Variants in SCYL1 observed in about 807,000 individuals in gnomAD.
SCYL1 encodes the protein N-terminal kinase-like protein.
In SCYL1, 85 loss-of-function variants were observed where a neutral mutation model predicts 94.8. The observed-to-expected ratio is 0.90, with a 90% CI of 0.75 to 1.07. The LOEUF (loss-of-function observed/expected upper bound fraction) is 1.07, where lower values mean the gene tolerates loss of function less well. SCYL1 is among the 50% of genes least tolerant of loss of function. SCYL1 has a pLI of 0.00. For missense variants in SCYL1, 968 were observed against 1,083.3 expected (o/e 0.89, Z 1.49); for synonymous variants, 459 against 435.5 (o/e 1.05, Z -0.67).
intron 6 of SCYL1, among the ~76,000 whole-genome samples, chr11:65,527,889 T>C (rs1295828277): frequency 6.6e-6 from 1 of 152,178 alleles, no homozygotes; most frequent in Non-Finnish European, 1.5e-5. Context: ...GGAGTCAGAA[T>C]TGAAAATGTG....
chr11:65,536,305 C>T lies in SCYL1; in HGVS notation c.1622C>T (p.Ser541Leu), dbSNP rs377549319. 7.3e-5 allele frequency: 118 copies of T among 1,614,024 alleles called. No individual in the cohort carries two copies. The highest frequency in any genetic ancestry group is 2.1e-4 in the African/African-American group (16 of 74,934). Residue 541 changes from serine (S) to leucine (L), a missense_variant, in exon 12 of 18, where the codon TCG becomes TTG. Coordinates refer to ENST00000270176, the MANE Select transcript of SCYL1 (RefSeq NM_020680.4). ...TTCCTGTCCAAATTGGAGTCTGTGT[C>T]GGAGGACCCGACCCAGCTGGAGGAA... ...RSFLSKLESV[S>L]EDPTQLEEVE...
At chr11:65,529,956 TA>T (rs1240783477) in intron 6 of SCYL1, among the ~76,000 whole-genome samples, 1 of 152,164 alleles carries the variant, frequency 6.6e-6, no homozygotes, top group Non-Finnish European at 1.5e-5. Context: ...AGGACTGAGA[TA>T]ATCTGTGTAA....
Position 65,532,778 on chromosome 11 carries a change from C to T in SCYL1, c.1203C>T (p.Asn401=), listed in dbSNP as rs752729887. 8 of 1,613,942 alleles carry T rather than the reference C, an allele frequency of 5.0e-6. No individual in the cohort carries two copies. In the South Asian group the frequency reaches 6.6e-5, roughly 13 times the overall value. ...TCGTACATGGCTTCCTGGACACCAA[C>T]CCTGCCATCCGGGAGCAGACGGTCA... ...PHVVHGFLDT[N]PAIREQTVKS... The change falls in exon 9 of 18, where the codon AAC becomes AAT. Residue 401 remains asparagine, a synonymous_variant. Transcript: ENST00000270176.
rs1237230332 is a variant in SCYL1 at position 65,538,194 on chromosome 11, A to C, written c.2247+12A>C. The stretch of plus-strand genomic sequence containing the variant: ...GTCCCAGCACCCAGGTACCCAGCAC[A>C]GGTCTGGCGAGAGGGTAGAGATGGT... On this transcript the variant is annotated intron_variant, in intron 16 of 17. Coordinates refer to ENST00000270176, the MANE Select transcript of SCYL1 (RefSeq NM_020680.4). 6.4e-7 allele frequency: 1 copy of C among 1,569,316 alleles called. No individual in the cohort carries two copies. The highest frequency in any genetic ancestry group is 1.9e-5 in the Admixed American group (1 of 53,290).
Position 65,525,579 on chromosome 11 carries a change from A to C in SCYL1, c.117A>C (p.Thr39=). 1 of 1,612,156 alleles carries C rather than the reference A, an allele frequency of 6.2e-7. No individual in the cohort carries two copies. Among genetic ancestry groups the C allele is most frequent in the Non-Finnish European group, 8.5e-7 (1 of 1,179,894 alleles). ...GCCCCGCTGCCCTCCCCTAGGCCAC[A>C]GGCAGCCCCGTGTCCATCTTCGTCT... ...WALHRGRKKA[T]GSPVSIFVYD... Residue 39 remains threonine (T), a synonymous_variant, in exon 2 of 18, where the codon ACA becomes ACC. Transcript: ENST00000270176.
Position 65,535,957 on chromosome 11 carries a change from G to A in SCYL1, c.1391G>A (p.Arg464Lys), listed in dbSNP as rs1286450999. The A allele has an allele frequency of 8.8e-6, 14 of 1,588,222 alleles. No homozygotes were observed. Among genetic ancestry groups the A allele is most frequent in the Non-Finnish European group, 1.1e-5 (13 of 1,166,330 alleles). Residue 464 changes from arginine (R) to lysine (K), a missense_variant, in exon 11 of 18, where the codon AGA becomes AAA. Physicochemically the swap from Arg to Lys is conservative, Grantham distance 26 (BLOSUM62 2). This residue lies in a region of SCYL1 where 474 missense variants were observed against 463.6 expected (regional missense o/e 1.02). Transcript: ENST00000270176. ...KIGSYLSAST[R>K]HRVLTSAFSR... ...CTCTTTCCTGCCCCATCGTAGACCA[G>A]ACACAGGGTCCTTACCTCTGCCTTC...
chr11:65,532,970 C>T (rs1855462772), intron 9 of SCYL1, 165 bp downstream of exon 9: 7 of 600,696 alleles, frequency 1.2e-5, no homozygotes, highest in Non-Finnish European at 2.1e-5. Context: ...CGGGGGAGCA[C>T]GTCCTCCATT....
In SCYL1 at chr11:65,537,754, G is replaced by A. The variant is rs553260856; in HGVS notation, c.1960-55G>A. ...CGTGGCTGGGATGATGCTGGGGCGGGCTCACTTGCCCTTTAGCATGGGGTG... is the reference window on the plus strand; with the variant it reads ...CGTGGCTGGGATGATGCTGGGGCGGACTCACTTGCCCTTTAGCATGGGGTG... On this transcript the variant is annotated intron_variant, in intron 14 of 17. Transcript: ENST00000270176. The A allele has an allele frequency of 2.1e-4, 307 of 1,436,916 alleles. 1 individual carries two copies. The African/African-American group carries it at 4.1e-3, about 19-fold the overall frequency. 89.0% of individuals were successfully genotyped at this position (1,436,916 alleles called of 1,614,324 possible).
In SCYL1 at chr11:65,526,437, C is replaced by G; in HGVS notation, c.602+87C>G. 9.5e-7 allele frequency: 1 copy of G among 1,049,096 alleles called. No homozygotes were observed. The allele number at this position is 1,049,096 out of a possible 1,614,324, so 65.0% of individuals were successfully genotyped here. Reference sequence around the variant, plus strand: ...GACTCCTAGACTAGTTGGCACTCCCCTGTTCCCTGCTGCCTGGCTGGGGAG... The same window carrying G: ...GACTCCTAGACTAGTTGGCACTCCCGTGTTCCCTGCTGCCTGGCTGGGGAG... On this transcript the variant is annotated intron_variant, in intron 4 of 17. Coordinates refer to ENST00000270176, the MANE Select transcript of SCYL1 (RefSeq NM_020680.4). This position sits in a 1 kb window ranked among gnomAD's most constrained non-coding sequence, Gnocchi z 4.1.
rs765121062 is a variant in SCYL1, at chr11:65,532,777, A to C, written c.1202A>C (p.Asn401Thr). ...PHVVHGFLDT[N>T]PAIREQTVKS... ...GTCGTACATGGCTTCCTGGACACCAACCCTGCCATCCGGGAGCAGACGGTC... is the reference window on the plus strand; with the variant it reads ...GTCGTACATGGCTTCCTGGACACCACCCCTGCCATCCGGGAGCAGACGGTC... Residue 401 changes from asparagine (N) to threonine (T), a missense_variant, in exon 9 of 18, where the codon AAC becomes ACC. By Grantham distance (65) the Asn-to-Thr change is moderately conservative (BLOSUM62 0). Around this residue, in one of 2 missense-constraint regions of SCYL1, gnomAD observed 494 missense variants for 619.7 expected, o/e 0.80. Coordinates refer to ENST00000270176, the MANE Select transcript of SCYL1 (RefSeq NM_020680.4). 6.2e-7 allele frequency: 1 copy of C among 1,614,020 alleles called. No individual in the cohort carries two copies. Among genetic ancestry groups the C allele is most frequent in the South Asian group, 1.1e-5 (1 of 91,076 alleles).
intron 10 of SCYL1, 178 bp downstream of exon 10, chr11:65,535,560 A>G (rs1016083265): frequency 9.1e-6 from 7 of 766,376 alleles, no homozygotes; most frequent in South Asian, 5.5e-5. Context: ...TCACACAGTC[A>G]GGAGGGATCT....
intron 1 of SCYL1, 23 bp from the exon 2 acceptor site, chr11:65,525,551 C>T: frequency 6.2e-7 from 1 of 1,608,324 alleles, no homozygotes; most frequent in Non-Finnish European, 8.5e-7. Context: ...GGGACCATCT[C>T]AGGCCCCGCT....
rs780376974 is a variant in SCYL1, at chr11:65,532,822, C to A, written c.1230+17C>A. ...ACGGTCAAGGTGGGTGTGGCCAGGCCCAGAGTGGCTACCCCTGGTTTTCCA... is the reference window on the plus strand; with the variant it reads ...ACGGTCAAGGTGGGTGTGGCCAGGCACAGAGTGGCTACCCCTGGTTTTCCA... On this transcript the variant is annotated intron_variant, in intron 9 of 17. Transcript: ENST00000270176. The A allele has an allele frequency of 6.3e-7, 1 of 1,593,846 alleles. No individual in the cohort carries two copies. The highest frequency in any genetic ancestry group is 1.1e-5 in the South Asian group (1 of 90,618).
chr11:65,533,518 C>G (rs1235799662), intron 9 of SCYL1, among the ~76,000 whole-genome samples: 1 of 152,248 alleles, frequency 6.6e-6, no homozygotes, highest in East Asian at 1.9e-4. Context: ...GTGGCTTACG[C>G]CTGTGATCCC....
chr11:65,537,107 C>A lies in SCYL1; in HGVS notation c.1938C>A (p.Asp646Glu). The A allele has an allele frequency of 1.2e-6, 2 of 1,614,132 alleles. No individual in the cohort carries two copies. The highest frequency in any genetic ancestry group is 1.7e-6 in the Non-Finnish European group (2 of 1,180,002). ...GCAGCACTGCTGACAGATGGGACGA[C>A]GAAGACTGGGGCAGCCTGGAGGTGT... ...EDSSTADRWD[D>E]EDWGSLEQEA... The change falls in exon 14 of 18, where the codon GAC becomes GAA. Residue 646 changes from aspartate to glutamate, a missense_variant. Asp to Glu is a conservative substitution (Grantham distance 45, BLOSUM62 2). Transcript: ENST00000270176.
Position 65,538,601 on chromosome 11 carries a change from C to G in SCYL1, c.*35C>G, listed in dbSNP as rs750924073. On this transcript the variant is annotated 3_prime_UTR_variant, in exon 18 of 18. Coordinates refer to ENST00000270176, the MANE Select transcript of SCYL1 (RefSeq NM_020680.4). ...GTGGCCCTTCCCGGCTGCGGAGAGCCCGCCCCACAGATGTATTTATTGTAC... is the reference window on the plus strand; with the variant it reads ...GTGGCCCTTCCCGGCTGCGGAGAGCGCGCCCCACAGATGTATTTATTGTAC... 2.1e-5 allele frequency: 33 copies of G among 1,597,684 alleles called. No homozygotes were observed. Among genetic ancestry groups the G allele is most frequent in the Non-Finnish European group, 2.6e-5 (30 of 1,172,654 alleles).
chr11:65,537,773 T>C, intron 14 of SCYL1, 36 bp from the exon 15 acceptor site: 6 of 1,503,972 alleles, frequency 4.0e-6, no homozygotes, highest in Non-Finnish European at 3.6e-6. Context: ...CCCTTTAGCA[T>C]GGGGTGGGAG....
In SCYL1 at chr11:65,526,536, C is replaced by T. The variant is rs969034270; in HGVS notation, c.602+186C>T. On this transcript the variant is annotated intron_variant, in intron 4 of 17. Coordinates refer to ENST00000270176, the MANE Select transcript of SCYL1 (RefSeq NM_020680.4). This position sits in a 1 kb window ranked among gnomAD's most constrained non-coding sequence, Gnocchi z 4.1. The stretch of plus-strand genomic sequence containing the variant: ...TCAGGGCGGTAGGGCGGGATGGACA[C>T]AGCATTCGGGGTTGGGTGATTCTGA... Among the ~76,000 whole-genome samples, 2 of 152,202 alleles carry T rather than the reference C, an allele frequency of 1.3e-5. No homozygotes were observed. Among genetic ancestry groups the T allele is most frequent in the African/African-American group, 4.8e-5 (2 of 41,452 alleles).
In SCYL1 at chr11:65,530,707, C is replaced by T. The variant is rs370521030; in HGVS notation, c.928C>T (p.Arg310Trp). The T allele has an allele frequency of 1.9e-4, 310 of 1,613,936 alleles. No homozygotes were observed. Among genetic ancestry groups the T allele is most frequent in the Non-Finnish European group, 2.5e-4 (291 of 1,180,026 alleles). The part of the protein sequence containing the change: ...SLDAFPEDFC[R>W]HKVLPQLLTA... ...GGACGCATTCCCTGAGGATTTCTGT[C>T]GGCACAAGGTGCTGCCCCAGCTGCT... is the stretch of plus-strand genomic sequence containing the variant. The change falls in exon 7 of 18, where the codon CGG (arginine) becomes TGG (tryptophan). Residue 310 changes from arginine (R) to tryptophan (W), a missense_variant. Arg to Trp is a moderately radical substitution (Grantham distance 101). Coordinates refer to ENST00000270176, the MANE Select transcript of SCYL1 (RefSeq NM_020680.4).
Sources: gnomAD v4.1 joint callset for allele counts (sites outside exome capture counted in the v4.1 genomes callset) on GRCh38, gnomAD v4.1.1 for gene constraint, gnomAD v4.1.1 regional missense constraint, Gnocchi (gnomAD v3.1) non-coding constraint, MANE v1.5 for transcripts, NCBI Gene and HGNC (gene_info 2026-07-23, HGNC 2026-07-21) for gene names.